ARHGEF9: variants seen among roughly 807,000 people sequenced by gnomAD.
ARHGEF9 encodes Cdc42 guanine nucleotide exchange factor 9.
A neutral mutation model predicts 41.3 loss-of-function variants in ARHGEF9; 2 were observed. That is an observed-to-expected ratio of 0.05 (90% CI 0.02 to 0.15). The LOEUF is 0.15. Among genes scored for constraint, ARHGEF9 ranks in the 10% least tolerant of loss-of-function variants. The probability of loss-of-function intolerance (pLI) is 1.00; values close to 1 mark genes in which losing one functional copy is unlikely to be tolerated. For missense variants in ARHGEF9, 225 were observed against 424.7 expected, an observed-to-expected ratio of 0.53 and a Z score of 4.13; for synonymous variants, 160 against 154.4, an observed-to-expected ratio of 1.04 and a Z score of -0.27.
intron 2 of ARHGEF9, among the ~76,000 whole-genome samples, chrX:63,710,986 G>T (rs1168739061): frequency 9.0e-6 from 1 of 111,426 alleles, no homozygotes; most frequent in African/African-American, 3.3e-5. Flanking sequence ...CAGCAATGTT[G>T]CAGGATATAA....
chrX:63,652,480 T>C lies in ARHGEF9; in HGVS notation c.1321+3014A>G, dbSNP rs188124909. Among the ~76,000 whole-genome samples, 7 of 111,770 alleles carry C rather than the reference T, an allele frequency of 6.3e-5. No homozygotes were observed. The East Asian group carries it at 2.0e-3, about 32-fold the overall frequency. ...GTATATGGAGGATGTACATAGGTTATATGTAAATACTATATCATTTTATAT... is the reference window on the plus strand; with the variant it reads ...GTATATGGAGGATGTACATAGGTTACATGTAAATACTATATCATTTTATAT... On this transcript the variant is annotated intron_variant, in intron 8 of 9. Coordinates refer to ENST00000671741, the MANE Select transcript of ARHGEF9 (RefSeq NM_001353921.2).
chrX:63,745,139 C>A (rs1300512803), intron 1 of ARHGEF9, among the ~76,000 whole-genome samples: 1 of 109,471 alleles, frequency 9.1e-6, no homozygotes, highest in Non-Finnish European at 1.9e-5. Flanking sequence ...GCTCTTAGTA[C>A]ATCCTTCCTG....
chrX:63,668,066 G>A (rs782402399), intron 6 of ARHGEF9, among the ~76,000 whole-genome samples: 10 of 111,503 alleles, frequency 9.0e-5, no homozygotes, highest in Non-Finnish European at 1.1e-4. Context: ...TGGATGATAC[G>A]ACCAGGAGGG....
At chrX:63,768,032 A>G (rs2056142043) in intron 1 of ARHGEF9, among the ~76,000 whole-genome samples, 1 of 112,342 alleles carries the variant, frequency 8.9e-6, no homozygotes, top group African/African-American at 3.2e-5. Flanking sequence ...GTTTTTGGTT[A>G]CATGGATGAA....
intron 2 of ARHGEF9, among the ~76,000 whole-genome samples, chrX:63,716,812 C>A (rs781824618): frequency 1.8e-5 from 2 of 111,430 alleles, no homozygotes; most frequent in Non-Finnish European, 3.8e-5. Flanking sequence ...TTACCCACTG[C>A]GCACACACTC....
chrX:63,660,317 C>T (rs2049138669), intron 7 of ARHGEF9, among the ~76,000 whole-genome samples: 1 of 111,316 alleles, frequency 9.0e-6, no homozygotes, highest in South Asian at 3.8e-4. Flanking sequence ...CGCATGTTCT[C>T]GCTTACAAGA....
At chrX:63,769,950 C>T (rs1228979875) in intron 1 of ARHGEF9, among the ~76,000 whole-genome samples, 18 of 112,292 alleles carry the variant, frequency 1.6e-4, no homozygotes, top group African/African-American at 5.5e-4. Flanking sequence ...GTCGAGCCCC[C>T]ACACTGAGTC....
intron 4 of ARHGEF9, among the ~76,000 whole-genome samples, chrX:63,686,204 T>C (rs2050971529): frequency 8.9e-6 from 1 of 112,111 alleles, no homozygotes; most frequent in Non-Finnish European, 1.9e-5. Context: ...AATGAAATTA[T>C]GTCATTTGCA....
chrX:63,666,954 G>C (rs1209199289), intron 6 of ARHGEF9, among the ~76,000 whole-genome samples: 1 of 111,527 alleles, frequency 9.0e-6, no homozygotes, highest in Non-Finnish European at 1.9e-5. Context: ...TGTCAAGGTA[G>C]ACCTGGCCCC....
At chrX:63,646,418 G>A (rs1207622649) in intron 8 of ARHGEF9, among the ~76,000 whole-genome samples, 1 of 111,920 alleles carries the variant, frequency 8.9e-6, no homozygotes, top group Non-Finnish European at 1.9e-5. Flanking sequence ...AAGGTGTAAG[G>A]AAGGGATCCA....
In ARHGEF9 at chrX:63,637,203, G is replaced by GA. The variant is rs781892515; in HGVS notation, c.*824dup. 1.0e-3 allele frequency: 296 copies of GA among 296,089 alleles called. 1 individual carries two copies. Among genetic ancestry groups the GA allele is most frequent in the African/African-American group, 7.4e-3 (269 of 36,537 alleles). 24.4% of individuals were successfully genotyped at this position (296,089 alleles called of 1,213,427 possible). A position where few individuals can be genotyped will look rare whatever the true frequency, so the allele number is the denominator to read the frequency against. ...AACATGGGAAACCCCAGTGATAGAA[G>GA]AAACAGCCTGAATGCAAAATGTTCC... On this transcript the variant is annotated 3_prime_UTR_variant, in exon 10 of 10. Transcript: ENST00000671741.
At chrX:63,758,226 C>G (rs2147797739) in intron 1 of ARHGEF9, among the ~76,000 whole-genome samples, 1 of 108,659 alleles carries the variant, frequency 9.2e-6, no homozygotes, top group South Asian at 4.1e-4. Context: ...TCCTAAATTG[C>G]AGACAAGGCA....
intron 8 of ARHGEF9, among the ~76,000 whole-genome samples, chrX:63,652,032 G>T (rs2048579305): frequency 9.0e-6 from 1 of 111,513 alleles, no homozygotes; most frequent in African/African-American, 3.3e-5. Flanking sequence ...TATGCTAGGA[G>T]TATAGATTCT....
intron 1 of ARHGEF9, chrX:63,737,159 A>G (rs1469585868): frequency 8.9e-6 from 1 of 111,958 alleles, no homozygotes; most frequent in African/African-American, 3.2e-5. Context: ...ATGAAGGATT[A>G]GTAAAGATAC....
At chrX:63,703,999 A>C (rs1480037345) in intron 3 of ARHGEF9, among the ~76,000 whole-genome samples, 1 of 111,640 alleles carries the variant, frequency 9.0e-6, no homozygotes, top group Non-Finnish European at 1.9e-5. Flanking sequence ...GTAGTAACGA[A>C]AGCATAGCAG....
chrX:63,754,224 A>T, intron 1 of ARHGEF9: 1 of 1,053,493 alleles, frequency 9.5e-7, no homozygotes, highest in Non-Finnish European at 1.3e-6. Flanking sequence ...CAACAATTTC[A>T]CTCAAGCAAT....
intron 1 of ARHGEF9, among the ~76,000 whole-genome samples, chrX:63,730,239 T>C (rs2054202253): frequency 8.9e-6 from 1 of 112,472 alleles, no homozygotes; most frequent in African/African-American, 3.2e-5. Flanking sequence ...AAACATATGC[T>C]GCAAACTGGA....
At chrX:63,757,271 C>G (rs1397947063) in intron 1 of ARHGEF9, among the ~76,000 whole-genome samples, 1 of 111,641 alleles carries the variant, frequency 9.0e-6, no homozygotes, top group Non-Finnish European at 1.9e-5. Context: ...ATTACACCAC[C>G]ACTGGGAAAC....
chrX:63,693,105 A>G (rs1438395995), intron 4 of ARHGEF9, among the ~76,000 whole-genome samples: 3 of 111,841 alleles, frequency 2.7e-5, no homozygotes, highest in Non-Finnish European at 5.6e-5. Context: ...AATGGGTATA[A>G]AACTACAGTT....
Sources: gnomAD v4.1 joint callset for allele counts (sites outside exome capture counted in the v4.1 genomes callset) on GRCh38, gnomAD v4.1.1 for gene constraint, MANE v1.5 for transcripts, NCBI Gene and HGNC (gene_info 2026-07-23, HGNC 2026-07-21) for gene names.